SORCS3: variants seen among roughly 807,000 people sequenced by gnomAD.
The protein encoded by SORCS3 is VPS10 domain-containing receptor SorCS3.
A neutral mutation model predicts 146.3 loss-of-function variants in SORCS3; 57 were observed. That is an observed-to-expected ratio of 0.39 (90% CI 0.31 to 0.49). The LOEUF is 0.49. SORCS3 is among the 20% of genes least tolerant of loss of function. The pLI is 0.92. For missense variants in SORCS3, 1,341 were observed against 1,575.5 expected (o/e 0.85, Z 2.52); for synonymous variants, 653 against 618.5 (o/e 1.06, Z -0.83).
At chr10:104,717,613 A>G (rs2016494989) in intron 1 of SORCS3, among the ~76,000 whole-genome samples, 2 of 152,148 alleles carry the variant, frequency 1.3e-5, no homozygotes, top group African/African-American at 4.8e-5. Context: ...ACCCTGGGGC[A>G]GTGACAAGTA....
intron 3 of SORCS3, among the ~76,000 whole-genome samples, chr10:104,953,396 AC>A (rs771897896): frequency 1.3e-5 from 2 of 152,224 alleles, no homozygotes; most frequent in Non-Finnish European, 2.9e-5. Context: ...GTATTCTAAA[AC>A]GGTGATGCTC....
chr10:105,170,181 C>T (rs78578889), intron 13 of SORCS3, among the ~76,000 whole-genome samples: 1,557 of 152,184 alleles, frequency 0.01, 27 homozygotes, highest in African/African-American at 0.034. Flanking sequence ...TACATCTAAC[C>T]GTCCAGTCTG....
intron 15 of SORCS3, 77 bp from the exon 16 acceptor site, chr10:105,201,043 T>A: frequency 6.6e-7 from 1 of 1,520,540 alleles, no homozygotes. Flanking sequence ...AACAGGCTAA[T>A]GCTTCTTGTT....
At chr10:105,059,876 C>G (rs921185118) in intron 5 of SORCS3, among the ~76,000 whole-genome samples, 1 of 152,236 alleles carries the variant, frequency 6.6e-6, no homozygotes, top group Non-Finnish European at 1.5e-5. Context: ...TGAAGCAGAG[C>G]CTCGCATTGA....
intron 2 of SORCS3, among the ~76,000 whole-genome samples, chr10:104,915,499 A>G (rs1349437569): frequency 9.9e-6 from 1 of 101,180 alleles, no homozygotes; most frequent in East Asian, 3.6e-4. Context: ...TGCTTCCACA[A>G]CTCCACACAG....
At chr10:104,825,107 C>T (rs867629417) in intron 1 of SORCS3, among the ~76,000 whole-genome samples, 4 of 152,182 alleles carry the variant, frequency 2.6e-5, no homozygotes, top group Non-Finnish European at 5.9e-5. Context: ...ATTTTGTGAG[C>T]TTCAAGTTGT....
rs548177050 is a variant in SORCS3, at chr10:104,802,954, T to A, written c.628-39838T>A. On this transcript the variant is annotated intron_variant, in intron 1 of 26. Transcript: ENST00000369701. ...TTTCTCTCCAATGTCCAGGTGTAGA[T>A]GGGTGGTCCAGAGAGGGGAGGTAGT... Among the ~76,000 whole-genome samples, 6 of 150,790 alleles carry A rather than the reference T, an allele frequency of 4.0e-5. No individual in the cohort carries two copies. The East Asian group carries it at 9.9e-4, about 25-fold the overall frequency.
At chr10:105,253,110 C>G (rs1446146569) in intron 23 of SORCS3, among the ~76,000 whole-genome samples, 1 of 152,124 alleles carries the variant, frequency 6.6e-6, no homozygotes, top group Non-Finnish European at 1.5e-5. Context: ...AATGTCACCC[C>G]TGGCATTATT....
At chr10:104,885,415 C>T (rs547722948) in intron 2 of SORCS3, among the ~76,000 whole-genome samples, 191 of 152,226 alleles carry the variant, frequency 1.3e-3, no homozygotes, top group Admixed American at 2.4e-3. Flanking sequence ...TCAAAATATT[C>T]CTTTCCTTCT....
chr10:104,936,043 TAAG>T (rs1448290465), intron 3 of SORCS3, among the ~76,000 whole-genome samples: 1 of 152,138 alleles, frequency 6.6e-6, no homozygotes, highest in Non-Finnish European at 1.5e-5. Context: ...AAGGGAAAGG[TAAG>T]ACTGATAGAG....
intron 4 of SORCS3, among the ~76,000 whole-genome samples, chr10:105,010,393 T>C (rs991370745): frequency 1.3e-4 from 20 of 152,232 alleles, no homozygotes; most frequent in African/African-American, 4.6e-4. Flanking sequence ...AAGTCAAACA[T>C]GGTCTTTGAG....
intron 14 of SORCS3, among the ~76,000 whole-genome samples, chr10:105,182,951 C>T (rs1246444168): frequency 2.0e-5 from 3 of 152,176 alleles, no homozygotes; most frequent in African/African-American, 7.2e-5. Flanking sequence ...GATCTGCCCA[C>T]CTCAGCCTCC....
At position 104,886,367 on chromosome 10, in the gene SORCS3, A is replaced by G. The variant is rs771207349; in HGVS notation, c.696-29466A>G. 5.7e-4 allele frequency among the ~76,000 whole-genome samples: 87 copies of G among 152,162 alleles called. 1 individual carries two copies. Among genetic ancestry groups the G allele is most frequent in the Non-Finnish European group, 2.5e-4 (17 of 68,032 alleles). ...GTATTCCTGAAAATTGCATTTGAATATCTTTATAACAGGGATAATGGTGAA... is the reference window on the plus strand; with the variant it reads ...GTATTCCTGAAAATTGCATTTGAATGTCTTTATAACAGGGATAATGGTGAA... On this transcript the variant is annotated intron_variant, in intron 2 of 26. Coordinates refer to ENST00000369701, the MANE Select transcript of SORCS3 (RefSeq NM_014978.3).
At chr10:104,722,724 G>C (rs971046682) in intron 1 of SORCS3, among the ~76,000 whole-genome samples, 21 of 152,160 alleles carry the variant, frequency 1.4e-4, no homozygotes, top group Admixed American at 3.3e-4. Context: ...TATGTGTCGA[G>C]GAATGTATCC....
intron 7 of SORCS3, among the ~76,000 whole-genome samples, chr10:105,113,095 T>TTGCTC (rs2055869735): frequency 6.6e-6 from 1 of 152,184 alleles, no homozygotes; most frequent in Non-Finnish European, 1.5e-5. Context: ...CTGCTTTTGT[T>TTGCTC]TGCTCTGTAT....
intron 3 of SORCS3, among the ~76,000 whole-genome samples, chr10:104,954,123 A>AGG (rs2019462510): frequency 6.6e-6 from 1 of 152,190 alleles, no homozygotes; most frequent in South Asian, 2.1e-4. Flanking sequence ...TTCAACTGAT[A>AGG]GGGGGTTTGG....
intron 5 of SORCS3, among the ~76,000 whole-genome samples, chr10:105,087,151 C>T (rs1489418811): frequency 3.3e-5 from 5 of 152,070 alleles, no homozygotes; most frequent in African/African-American, 7.2e-5. Context: ...GCATGTGGCT[C>T]GCCTGTTTTC....
At chr10:105,148,369 T>A (rs910352104) in intron 9 of SORCS3, among the ~76,000 whole-genome samples, 3 of 152,156 alleles carry the variant, frequency 2.0e-5, no homozygotes, top group Admixed American at 1.3e-4. Flanking sequence ...GTGTGATAAC[T>A]AATTAAAGAA....
chr10:105,038,713 G>A (rs2055320879), intron 4 of SORCS3, among the ~76,000 whole-genome samples: 1 of 152,040 alleles, frequency 6.6e-6, no homozygotes, highest in African/African-American at 2.4e-5. Context: ...CTTCTGATAT[G>A]TTTCAAGTTT....
Sources: gnomAD v4.1 joint callset for allele counts (sites outside exome capture counted in the v4.1 genomes callset) on GRCh38, gnomAD v4.1.1 for gene constraint, MANE v1.5 for transcripts, NCBI Gene and HGNC (gene_info 2026-07-23, HGNC 2026-07-21) for gene names.